Variants in PARD3B observed in about 807,000 individuals in gnomAD.
PARD3B encodes the protein par-3 family cell polarity regulator beta.
PARD3B carries 103 observed loss-of-function variants against 130.2 expected under a neutral mutation model. The ratio of observed to expected loss-of-function variants is 0.79; its 90% confidence interval spans 0.67 to 0.93. The LOEUF (loss-of-function observed/expected upper bound fraction) is 0.93, where lower values mean the gene tolerates loss of function less well. Among genes scored for constraint, PARD3B ranks in the 40% least tolerant of loss-of-function variants. The pLI is 0.00. For missense variants in PARD3B, 1,609 were observed against 1,499.2 expected (o/e 1.07, Z -1.21); for synonymous variants, 583 against 553.2 (o/e 1.05, Z -0.76).
intron 18 of PARD3B, among the ~76,000 whole-genome samples, chr2:205,398,097 G>C (rs1475411295): frequency 6.6e-6 from 1 of 151,964 alleles, no homozygotes; most frequent in African/African-American, 2.4e-5. Flanking sequence ...TCAGGAGTTC[G>C]AGACCAGCCT....
chr2:204,698,954 G>A (rs1264589037), intron 2 of PARD3B, among the ~76,000 whole-genome samples: 1 of 152,088 alleles, frequency 6.6e-6, no homozygotes, highest in Non-Finnish European at 1.5e-5. Flanking sequence ...ACCTTGGGCA[G>A]TTTAAGAAGT....
At chr2:205,515,876 C>A (rs2050774198) in intron 21 of PARD3B, among the ~76,000 whole-genome samples, 1 of 152,066 alleles carries the variant, frequency 6.6e-6, no homozygotes, top group Non-Finnish European at 1.5e-5. Context: ...TTGACTGTTC[C>A]TATGTCCAGG....
intron 4 of PARD3B, among the ~76,000 whole-genome samples, chr2:205,051,959 A>G (rs1421013115): frequency 6.6e-6 from 1 of 152,200 alleles, no homozygotes; most frequent in Admixed American, 6.5e-5. Flanking sequence ...ACAGTATAGC[A>G]AATCCAACTC....
At chr2:205,600,134 A>C (rs979625062) in intron 22 of PARD3B, among the ~76,000 whole-genome samples, 13 of 152,206 alleles carry the variant, frequency 8.5e-5, no homozygotes, top group Non-Finnish European at 8.8e-5. Flanking sequence ...GGAATGGTCC[A>C]TTGGAAAAGG....
At chr2:205,247,807 A>G (rs1418531728) in intron 16 of PARD3B, among the ~76,000 whole-genome samples, 1 of 152,238 alleles carries the variant, frequency 6.6e-6, no homozygotes, top group Non-Finnish European at 1.5e-5. Flanking sequence ...AAATGAGAGC[A>G]TCTTGTAAAA....
At chr2:204,733,593 A>T (rs1360498716) in intron 2 of PARD3B, among the ~76,000 whole-genome samples, 2 of 151,910 alleles carry the variant, frequency 1.3e-5, no homozygotes, top group African/African-American at 4.8e-5. Context: ...ACATTTCTGG[A>T]ACAAGAAAAC....
chr2:204,569,755 A>G (rs1466082684), intron 1 of PARD3B, among the ~76,000 whole-genome samples: 2 of 152,208 alleles, frequency 1.3e-5, no homozygotes, highest in Admixed American at 1.3e-4. Flanking sequence ...GTTAATGATG[A>G]AAACCAGTTG....
At chr2:205,559,320 T>C (rs1255252369) in intron 22 of PARD3B, among the ~76,000 whole-genome samples, 1 of 152,024 alleles carries the variant, frequency 6.6e-6, no homozygotes, top group Non-Finnish European at 1.5e-5. Context: ...AAATTTTGCA[T>C]TTTTTTGTAA....
intron 16 of PARD3B, among the ~76,000 whole-genome samples, chr2:205,284,599 A>C (rs967062363): frequency 6.6e-6 from 1 of 152,198 alleles, no homozygotes; most frequent in Non-Finnish European, 1.5e-5. Context: ...GGTAATAATA[A>C]TAATAGAAAA....
At position 205,241,029 on chromosome 2, in the gene PARD3B, G is replaced by A. The variant is rs1056178639; in HGVS notation, c.2141-4749G>A. On this transcript the variant is annotated intron_variant, in intron 15 of 22. Transcript: ENST00000406610. The surrounding 1 kb of genome is among the most constrained non-coding windows in gnomAD (Gnocchi z 4.2). ...TTTCTCTCAATTCTAATGATGAACT[G>A]GTTGAAATTAAGTGAAAAGACACAG... Among the ~76,000 whole-genome samples, 2 of 152,044 alleles carry A rather than the reference G, an allele frequency of 1.3e-5. No homozygotes were observed. The highest frequency in any genetic ancestry group is 2.9e-5 in the Non-Finnish European group (2 of 67,986).
intron 1 of PARD3B, among the ~76,000 whole-genome samples, chr2:204,640,384 A>G (rs550608264): frequency 6.6e-6 from 1 of 152,146 alleles, no homozygotes; most frequent in South Asian, 2.1e-4. Flanking sequence ...CTCATGAGAG[A>G]TGTCATGGCA....
At chr2:204,600,227 T>C (rs1176806361) in intron 1 of PARD3B, among the ~76,000 whole-genome samples, 1 of 151,870 alleles carries the variant, frequency 6.6e-6, no homozygotes, top group Non-Finnish European at 1.5e-5. Flanking sequence ...TGAGGTGTTA[T>C]TCATAAAATC....
chr2:205,423,308 A>G lies in PARD3B; in HGVS notation c.2742-17062A>G, dbSNP rs1164850916. ...CTCAGGCTTGGACCCCTGTTAAGGA[A>G]GACCCTATCACTATCCTTTTGGAGG... On this transcript the variant is annotated intron_variant, in intron 19 of 22. Coordinates refer to ENST00000406610, the MANE Select transcript of PARD3B (RefSeq NM_001302769.2). 2.6e-5 allele frequency among the ~76,000 whole-genome samples: 4 copies of G among 152,192 alleles called. No individual in the cohort carries two copies. The South Asian group carries it at 8.3e-4, about 32-fold the overall frequency.
intron 13 of PARD3B, among the ~76,000 whole-genome samples, chr2:205,181,524 A>G (rs751313456): frequency 4.6e-5 from 7 of 152,236 alleles, no homozygotes; most frequent in Non-Finnish European, 1.0e-4. Flanking sequence ...TCATCACTCA[A>G]TTCTGCCATC....
In PARD3B at chr2:204,601,136, C is replaced by T. The variant is rs75751888; in HGVS notation, c.120+55017C>T. Among the ~76,000 whole-genome samples, 140 of 151,972 alleles carry T rather than the reference C, an allele frequency of 9.2e-4. 2 individuals are homozygous for T. The East Asian group carries it at 0.025, about 27-fold the overall frequency. On this transcript the variant is annotated intron_variant, in intron 1 of 22. Coordinates refer to ENST00000406610, the MANE Select transcript of PARD3B (RefSeq NM_001302769.2). ...CTTCTCATGCATATAACCTCGTTTT[C>T]TACTCCATTTATTTGATAATTGTTT...
At chr2:205,573,079 G>A (rs1285615073) in intron 22 of PARD3B, among the ~76,000 whole-genome samples, 1 of 152,142 alleles carries the variant, frequency 6.6e-6, no homozygotes, top group African/African-American at 2.4e-5. Flanking sequence ...CAGATCTCAT[G>A]AGAACTCACT....
At chr2:204,882,418 ATC>A (rs1245726231) in intron 2 of PARD3B, among the ~76,000 whole-genome samples, 1 of 152,202 alleles carries the variant, frequency 6.6e-6, no homozygotes, top group African/African-American at 2.4e-5. Context: ...ATATTGGGTA[ATC>A]TACAAATGCC....
intron 3 of PARD3B, among the ~76,000 whole-genome samples, chr2:205,022,573 A>G (rs1354438542): frequency 6.6e-6 from 1 of 152,200 alleles, no homozygotes; most frequent in East Asian, 1.9e-4. Flanking sequence ...TAGTTAGATT[A>G]CAATAGAATT....
At chr2:205,464,922 G>A (rs942799005) in intron 20 of PARD3B, among the ~76,000 whole-genome samples, 2 of 152,162 alleles carry the variant, frequency 1.3e-5, no homozygotes, top group Admixed American at 6.5e-5. Flanking sequence ...GAAGCCTTAA[G>A]GAATTAGTGA....
Sources: allele counts gnomAD v4.1 joint callset (sites outside exome capture counted in the v4.1 genomes callset), GRCh38; gene constraint gnomAD v4.1.1; non-coding constraint Gnocchi (gnomAD v3.1); transcripts MANE v1.5; gene names NCBI Gene and HGNC (gene_info 2026-07-23, HGNC 2026-07-21).